The following CA5A variants were observed in gnomAD, a reference collection of about 807,000 sequenced individuals.
CA5A encodes the protein carbonic anhydrase 5A, mitochondrial.
CA5A carries 28 observed loss-of-function variants against 37.1 expected under a neutral mutation model. That is an observed-to-expected ratio of 0.75 (90% CI 0.56 to 1.03). CA5A has a LOEUF of 1.03. Ranked by LOEUF, CA5A falls within the 50% of genes least tolerant of loss-of-function variation. The pLI is 0.00. For synonymous variants in CA5A, 171 were observed against 158.4 expected (o/e 1.08, Z -0.60); for missense variants, 444 against 399.9 (o/e 1.11, Z -0.94).
At chr16:87,912,651 G>A (rs1224896642) in intron 2 of CA5A, among the ~76,000 whole-genome samples, 8 of 152,252 alleles carry the variant, frequency 5.3e-5, no homozygotes, top group Admixed American at 5.2e-4. Context: ...GCAGACGGTG[G>A]TAGAGATAAA....
chr16:87,914,491 C>G (rs116585643), intron 2 of CA5A, among the ~76,000 whole-genome samples: 2,450 of 152,302 alleles, frequency 0.016, 58 homozygotes, highest in African/African-American at 0.056. Context: ...CGCTGCACCC[C>G]CGTCTGTCTC....
downstream of CA5A, chr16:87,886,559 G>C (rs900250400): frequency 4.6e-5 from 7 of 152,088 alleles, no homozygotes; most frequent in African/African-American, 1.7e-4. Context: ...TCCCCATTTG[G>C]ATATCCCGTT....
At chr16:87,930,201 C>T (rs1287199247) in intron 1 of CA5A, among the ~76,000 whole-genome samples, 2 of 152,134 alleles carry the variant, frequency 1.3e-5, no homozygotes, top group Non-Finnish European at 2.9e-5. Context: ...TTCCCGTGCT[C>T]CGACAGCATC....
chr16:87,894,291 T>C (rs1028910092), intron 5 of CA5A, among the ~76,000 whole-genome samples: 3 of 152,094 alleles, frequency 2.0e-5, no homozygotes, highest in African/African-American at 7.2e-5. Context: ...GCCAGCACTG[T>C]GGGACAAGAG....
At chr16:87,905,105 G>A (rs1328179605) in intron 2 of CA5A, among the ~76,000 whole-genome samples, 3 of 152,148 alleles carry the variant, frequency 2.0e-5, no homozygotes, top group South Asian at 4.2e-4. Flanking sequence ...CCAGCCCAGC[G>A]CCTGCCCAGA....
At chr16:87,893,205 G>A in intron 5 of CA5A, 2 of 424,296 alleles carry the variant, frequency 4.7e-6, no homozygotes, top group East Asian at 4.0e-5. Context: ...TCAGCTCACT[G>A]CAGCCTCTGC....
intron 2 of CA5A, among the ~76,000 whole-genome samples, chr16:87,925,101 G>T (rs1222323515): frequency 6.6e-6 from 1 of 152,226 alleles, no homozygotes; most frequent in Non-Finnish European, 1.5e-5. Context: ...AACAGTGAGT[G>T]AGCAAGATCC....
chr16:87,892,495 G>A (rs2055732309), intron 5 of CA5A, among the ~76,000 whole-genome samples: 1 of 142,764 alleles, frequency 7.0e-6, no homozygotes, highest in Middle Eastern at 3.4e-3. Context: ...GGGCAACAGA[G>A]TGAGACTCTG....
chr16:87,891,679 A>C, intron 6 of CA5A, 120 bp downstream of exon 6: 1 of 925,312 alleles, frequency 1.1e-6, no homozygotes, highest in Non-Finnish European at 1.5e-6. Context: ...AGAATGCCCC[A>C]AATGCATGAA....
chr16:87,889,917 A>G (rs2055689324), intron 6 of CA5A, among the ~76,000 whole-genome samples: 1 of 152,272 alleles, frequency 6.6e-6, no homozygotes, highest in South Asian at 2.1e-4. Context: ...CTGACAGCAT[A>G]CTGGTCCAGT....
At chr16:87,917,814 T>C (rs907174901) in intron 2 of CA5A, among the ~76,000 whole-genome samples, 1 of 141,806 alleles carries the variant, frequency 7.1e-6, no homozygotes, top group African/African-American at 2.8e-5. Flanking sequence ...TGTGCACACA[T>C]GCACACGAAC....
chr16:87,925,827 C>T (rs938822717), intron 2 of CA5A, among the ~76,000 whole-genome samples: 9 of 152,270 alleles, frequency 5.9e-5, no homozygotes, highest in South Asian at 2.1e-4. Context: ...CCTCCACCAC[C>T]GTCTCCCACC....
intron 1 of CA5A, among the ~76,000 whole-genome samples, chr16:87,929,885 A>T (rs890336210): frequency 7.9e-5 from 12 of 151,538 alleles, no homozygotes; most frequent in Non-Finnish European, 1.2e-4. Context: ...AAAAAAAAAA[A>T]AAAAAAAAAA....
intron 5 of CA5A, among the ~76,000 whole-genome samples, chr16:87,894,830 G>A (rs2055778022): frequency 2.0e-5 from 3 of 152,020 alleles, no homozygotes; most frequent in Admixed American, 2.0e-4. Context: ...AGTGAGCCGA[G>A]ATGGCACCAT....
At chr16:87,893,294 A>AT in intron 5 of CA5A, 1 of 351,814 alleles carries the variant, frequency 2.8e-6, no homozygotes, top group Admixed American at 3.9e-5. Flanking sequence ...CGACCAGCTA[A>AT]TTTTTTATAT....
chr16:87,926,961 C>T lies in CA5A; in HGVS notation c.143-16G>A, dbSNP rs755751684. ...AGTGGGTGCACTGCAGGGAGAGAGA[C>T]GGAGACCCTGAGTGAGGCATGAGCT... On this transcript the variant is annotated splice_polypyrimidine_tract_variant and intron_variant, in intron 1 of 6. Coordinates refer to ENST00000649794, the MANE Select transcript of CA5A (RefSeq NM_001739.2). 20 of 1,524,244 alleles carry T rather than the reference C, an allele frequency of 1.3e-5. No individual in the cohort carries two copies. The highest frequency in any genetic ancestry group is 2.4e-5 in the South Asian group (2 of 84,790). 94.4% of individuals were successfully genotyped at this position (1,524,244 alleles called of 1,614,324 possible).
intron 1 of CA5A, among the ~76,000 whole-genome samples, chr16:87,927,865 A>C (rs1191478924): frequency 6.6e-6 from 1 of 151,980 alleles, no homozygotes; most frequent in East Asian, 1.9e-4. Flanking sequence ...TCAAAAAAAA[A>C]AAAAAAAAAA....
In CA5A at chr16:87,905,923, G is replaced by A. The variant is rs1444660616; in HGVS notation, c.341-1019C>T. Among the ~76,000 whole-genome samples, 8 of 152,332 alleles carry A rather than the reference G, an allele frequency of 5.3e-5. No individual in the cohort carries two copies. The East Asian group carries it at 1.5e-3, about 29-fold the overall frequency. ...GGCTCAGCCATAAGCATCGCTCGCT[G>A]AGGCCTCTGGCTCTGGCCCCCAGAG... On this transcript the variant is annotated intron_variant, in intron 2 of 6. Transcript: ENST00000649794.
At chr16:87,920,754 G>T (rs1351039255) in intron 2 of CA5A, among the ~76,000 whole-genome samples, 1 of 152,110 alleles carries the variant, frequency 6.6e-6, no homozygotes, top group Non-Finnish European at 1.5e-5. Flanking sequence ...CAGTAGCTGG[G>T]ATTACAGGTG....
Sources: allele counts gnomAD v4.1 joint callset (sites outside exome capture counted in the v4.1 genomes callset), GRCh38; gene constraint gnomAD v4.1.1; transcripts MANE v1.5; gene names NCBI Gene and HGNC (gene_info 2026-07-23, HGNC 2026-07-21).